ZBTB7C: variants seen among roughly 807,000 people sequenced by gnomAD.
ZBTB7C encodes zinc finger and BTB domain containing 7C.
Under a neutral mutation model 25.7 loss-of-function variants are expected in ZBTB7C, and 8 were observed. That is an observed-to-expected ratio of 0.31 (90% CI 0.18 to 0.56). The LOEUF is 0.56. Among genes scored for constraint, ZBTB7C ranks in the 20% least tolerant of loss-of-function variants. The pLI, the probability that ZBTB7C is intolerant of heterozygous loss-of-function variation, is 0.91. For missense variants in ZBTB7C, 824 were observed against 855.2 expected, an observed-to-expected ratio of 0.96 and a Z score of 0.46; for synonymous variants, 394 against 369.0, an observed-to-expected ratio of 1.07 and a Z score of -0.78.
intron 1 of ZBTB7C, among the ~76,000 whole-genome samples, chr18:48,383,256 TTTTATTTA>T (rs539351344): frequency 6.6e-6 from 1 of 151,974 alleles, no homozygotes; most frequent in African/African-American, 2.4e-5. Context: ...AATTACAATC[TTTTATTTA>T]TTTATTTATT....
intron 1 of ZBTB7C, among the ~76,000 whole-genome samples, chr18:48,363,350 A>T (rs936246923): frequency 1.3e-5 from 2 of 152,176 alleles, no homozygotes; most frequent in African/African-American, 2.4e-5. Flanking sequence ...GAATGTGGAC[A>T]TTAATTTACT....
chr18:48,109,212 C>T (rs11663777), intron 3 of ZBTB7C, among the ~76,000 whole-genome samples: 28,199 of 152,102 alleles, frequency 0.19, 2,983 homozygotes, highest in South Asian at 0.35. Flanking sequence ...GAGAACACAT[C>T]GAAGGGAATG....
chr18:48,060,164 A>G (rs2037073580), intron 3 of ZBTB7C, among the ~76,000 whole-genome samples: 2 of 152,116 alleles, frequency 1.3e-5, no homozygotes. Context: ...AGCCCAGCTC[A>G]TCCACCCTCT....
At chr18:48,077,011 C>T (rs2037789708) in intron 3 of ZBTB7C, 2 of 968,906 alleles carry the variant, frequency 2.1e-6, no homozygotes, top group Non-Finnish European at 2.4e-6. Flanking sequence ...TCCCTTCCAG[C>T]AAAGGTCACA....
intron 2 of ZBTB7C, among the ~76,000 whole-genome samples, chr18:48,231,459 G>A (rs985854305): frequency 2.0e-5 from 3 of 152,104 alleles, no homozygotes; most frequent in African/African-American, 7.2e-5. Context: ...GCAGAGAGCA[G>A]TTACCCACTG....
At chr18:48,099,232 G>A (rs2038747365) in intron 3 of ZBTB7C, among the ~76,000 whole-genome samples, 1 of 152,166 alleles carries the variant, frequency 6.6e-6, no homozygotes, top group African/African-American at 2.4e-5. Context: ...AGGCCCTAGT[G>A]GTAAATAACA....
chr18:48,366,607 C>G (rs2047226400), intron 1 of ZBTB7C, among the ~76,000 whole-genome samples: 5 of 152,124 alleles, frequency 3.3e-5, no homozygotes, highest in Non-Finnish European at 7.4e-5. Flanking sequence ...ATAAGAAAGG[C>G]CAGCAACCCA....
chr18:48,029,392 G>A lies in ZBTB7C; in HGVS notation c.1728C>T (p.Phe576=), dbSNP rs749646466. 3.6e-5 allele frequency: 56 copies of A among 1,565,170 alleles called. 1 individual carries two copies. Among genetic ancestry groups the A allele is most frequent in the Non-Finnish European group, 4.4e-5 (51 of 1,159,498 alleles). ...CCGCCGCCACGTTCTCGGCCAGCGC[G>A]AAGGCCAGGAGGCCCCCCGCGTTCC... ...AERNAGGLLA[F]ALAENVAAAR... Residue 576 remains phenylalanine (F), a synonymous_variant, in exon 5 of 5, where the codon TTC becomes TTT. Transcript: ENST00000590800.
intron 2 of ZBTB7C, among the ~76,000 whole-genome samples, chr18:48,296,269 G>A (rs760180633): frequency 2.6e-5 from 4 of 152,158 alleles, no homozygotes; most frequent in Admixed American, 6.5e-5. Flanking sequence ...ATGGAACCCT[G>A]TGCCAGGCAG....
intron 3 of ZBTB7C, among the ~76,000 whole-genome samples, chr18:48,102,520 G>T (rs2038865731): frequency 7.0e-6 from 1 of 143,420 alleles, no homozygotes; most frequent in Non-Finnish European, 1.5e-5. Flanking sequence ...AGCTGCAATT[G>T]CTCCATTGCA....
chr18:48,042,087 C>T (rs1367776845), intron 3 of ZBTB7C, among the ~76,000 whole-genome samples: 2 of 152,216 alleles, frequency 1.3e-5, no homozygotes, highest in East Asian at 1.9e-4. Context: ...CAGGTGAACA[C>T]AGTCAACTGG....
intron 2 of ZBTB7C, among the ~76,000 whole-genome samples, chr18:48,304,766 G>C (rs1019017686): frequency 4.0e-5 from 6 of 149,136 alleles, no homozygotes; most frequent in African/African-American, 1.5e-4. Context: ...GCTTGAACTT[G>C]GGAGGTGGAG....
chr18:48,372,550 G>C (rs148729653), intron 1 of ZBTB7C, among the ~76,000 whole-genome samples: 1 of 152,162 alleles, frequency 6.6e-6, no homozygotes, highest in Non-Finnish European at 1.5e-5. Context: ...AAACCTTGAC[G>C]TGGGTTAAGC....
chr18:48,254,587 C>T (rs956076133), intron 2 of ZBTB7C, among the ~76,000 whole-genome samples: 2 of 152,222 alleles, frequency 1.3e-5, no homozygotes, highest in Admixed American at 6.5e-5. Context: ...CCTTACCCCA[C>T]TCCATGTGTG....
intron 2 of ZBTB7C, among the ~76,000 whole-genome samples, chr18:48,273,693 A>G (rs1350228718): frequency 6.6e-6 from 1 of 152,110 alleles, no homozygotes; most frequent in Non-Finnish European, 1.5e-5. Context: ...GTTAAGATTG[A>G]TTAATTATGG....
At chr18:48,092,215 A>G (rs987445231) in intron 3 of ZBTB7C, among the ~76,000 whole-genome samples, 3 of 152,178 alleles carry the variant, frequency 2.0e-5, no homozygotes, top group African/African-American at 4.8e-5. Context: ...GCATTAGTCA[A>G]CACTTCCCAT....
At chr18:48,293,051 A>G (rs1288361619) in intron 2 of ZBTB7C, among the ~76,000 whole-genome samples, 1 of 152,216 alleles carries the variant, frequency 6.6e-6, no homozygotes, top group East Asian at 1.9e-4. Context: ...CATTGGCACA[A>G]TGTCCGGCCC....
At chr18:48,406,422 G>A (rs1239682839) in intron 1 of ZBTB7C, among the ~76,000 whole-genome samples, 1 of 152,164 alleles carries the variant, frequency 6.6e-6, no homozygotes, top group Non-Finnish European at 1.5e-5. Context: ...AATTCAGTGG[G>A]AAAAGTTATA....
chr18:48,166,612 T>C (rs910737491), intron 3 of ZBTB7C, among the ~76,000 whole-genome samples: 1 of 152,094 alleles, frequency 6.6e-6, no homozygotes, highest in Non-Finnish European at 1.5e-5. Flanking sequence ...GGCCTGGTCC[T>C]CAGCGATACG....
Sources: allele counts gnomAD v4.1 joint callset (sites outside exome capture counted in the v4.1 genomes callset), GRCh38; gene constraint gnomAD v4.1.1; transcripts MANE v1.5; gene names NCBI Gene and HGNC (gene_info 2026-07-23, HGNC 2026-07-21).